Variants in THRB observed in about 807,000 individuals in gnomAD.
THRB encodes the protein nuclear receptor subfamily 1 group A member 2.
In THRB, 12 loss-of-function variants were observed where a neutral mutation model predicts 47.8. The observed-to-expected ratio is 0.25, with a 90% CI of 0.16 to 0.41. The LOEUF (loss-of-function observed/expected upper bound fraction) is 0.41. Ranked by LOEUF, THRB falls within the 10% of genes least tolerant of loss-of-function variation. THRB has a pLI of 1.00. For synonymous variants in THRB, 218 were observed against 212.2 expected, an observed-to-expected ratio of 1.03 and a Z score of -0.24; for missense variants, 348 against 589.2, an observed-to-expected ratio of 0.59 and a Z score of 4.24.
intron 1 of THRB, among the ~76,000 whole-genome samples, chr3:24,480,199 TG>T (rs1265676037): frequency 6.6e-6 from 1 of 152,232 alleles, no homozygotes; most frequent in Non-Finnish European, 1.5e-5. Flanking sequence ...AGTTTGCTTC[TG>T]GGGAGCCCAA....
intron 2 of THRB, among the ~76,000 whole-genome samples, chr3:24,333,374 C>T (rs892707541): frequency 3.7e-4 from 57 of 152,268 alleles, no homozygotes; most frequent in African/African-American, 1.3e-3. Context: ...AGAACTTTGG[C>T]GCTAGCAGGA....
intron 10 of THRB, among the ~76,000 whole-genome samples, chr3:24,126,900 G>C (rs1439225596): frequency 6.6e-6 from 1 of 152,086 alleles, no homozygotes; most frequent in Non-Finnish European, 1.5e-5. Context: ...CGTGTGCTTG[G>C]GACTCTTTCT....
chr3:24,198,295 A>C (rs79296334), intron 4 of THRB, among the ~76,000 whole-genome samples: 1 of 152,336 alleles, frequency 6.6e-6, no homozygotes, highest in East Asian at 1.9e-4. Context: ...CTATTACTAC[A>C]TTCAAGAATT....
intron 1 of THRB, among the ~76,000 whole-genome samples, chr3:24,468,898 TCA>T (rs534342965): frequency 6.6e-4 from 100 of 152,334 alleles, no homozygotes; most frequent in African/African-American, 2.4e-3. Context: ...CCACAAACTT[TCA>T]GTTTGTAAAA....
At chr3:24,385,187 C>T (rs1445108475) in intron 1 of THRB, among the ~76,000 whole-genome samples, 3 of 151,918 alleles carry the variant, frequency 2.0e-5, no homozygotes, top group Non-Finnish European at 4.4e-5. Flanking sequence ...AAAGATGGGG[C>T]CCCATTAATA....
chr3:24,127,256 T>A (rs977235590), intron 10 of THRB, among the ~76,000 whole-genome samples: 1 of 152,172 alleles, frequency 6.6e-6, no homozygotes, highest in Admixed American at 6.5e-5. Context: ...GGCGGATCAC[T>A]TCGTAGAGTC....
At chr3:24,364,230 T>C (rs1340886611) in intron 1 of THRB, among the ~76,000 whole-genome samples, 3 of 152,244 alleles carry the variant, frequency 2.0e-5, no homozygotes, top group South Asian at 2.1e-4. Context: ...CAGAGGAGCA[T>C]GAGCAAAATG....
chr3:24,327,960 C>G (rs1264414778), intron 2 of THRB, among the ~76,000 whole-genome samples: 1 of 152,012 alleles, frequency 6.6e-6, no homozygotes, highest in Non-Finnish European at 1.5e-5. Flanking sequence ...TCTTAAAAAT[C>G]ATTAAAAAAA....
chr3:24,230,889 G>T (rs979550188), intron 3 of THRB, among the ~76,000 whole-genome samples: 1 of 152,180 alleles, frequency 6.6e-6, no homozygotes, highest in Non-Finnish European at 1.5e-5. Flanking sequence ...TCTAGGGACA[G>T]AATTTATTAG....
chr3:24,246,689 A>G (rs1306250850), intron 3 of THRB, among the ~76,000 whole-genome samples: 2 of 152,188 alleles, frequency 1.3e-5, no homozygotes, highest in African/African-American at 4.8e-5. Context: ...ATTTAGAAGA[A>G]TATTTTCACA....
chr3:24,148,927 TG>T (rs1243439755), intron 6 of THRB, among the ~76,000 whole-genome samples: 2 of 152,268 alleles, frequency 1.3e-5, no homozygotes, highest in Non-Finnish European at 2.9e-5. Flanking sequence ...ATTTGGGTTC[TG>T]TGTTCCTAAG....
intron 3 of THRB, among the ~76,000 whole-genome samples, chr3:24,296,105 C>T (rs574745519): frequency 6.6e-6 from 1 of 152,146 alleles, no homozygotes; most frequent in Non-Finnish European, 1.5e-5. Context: ...AACAACTCTC[C>T]AGTCTTTTTA....
rs532578305 is a variant in THRB, at chr3:24,400,371, A to AT, written c.-260-63001dup. Among the ~76,000 whole-genome samples the AT allele has an allele frequency of 1.1e-4, 17 of 152,056 alleles. No homozygotes were observed. In the South Asian group the frequency reaches 2.7e-3, roughly 24 times the overall value. On this transcript the variant is annotated intron_variant, in intron 1 of 10. Coordinates refer to ENST00000646209, the MANE Select transcript of THRB (RefSeq NM_001354712.2). ...TTTTAAATGTAAACATGAGACCTAG[A>AT]TTTTTTTTATGCAAAACAAAATGCA...
chr3:24,181,164 T>C (rs1427555687), intron 5 of THRB, among the ~76,000 whole-genome samples: 3 of 152,240 alleles, frequency 2.0e-5, no homozygotes, highest in Non-Finnish European at 4.4e-5. Flanking sequence ...GAACTGGTCT[T>C]ATGTTTTCAT....
At chr3:24,266,376 G>C (rs1415256885) in intron 3 of THRB, among the ~76,000 whole-genome samples, 6 of 152,172 alleles carry the variant, frequency 3.9e-5, no homozygotes, top group African/African-American at 1.4e-4. Flanking sequence ...AGACAATACT[G>C]AGGAAAGAAA....
intron 4 of THRB, among the ~76,000 whole-genome samples, chr3:24,212,152 A>T (rs1005430142): frequency 6.6e-6 from 1 of 151,694 alleles, no homozygotes; most frequent in Non-Finnish European, 1.5e-5. Context: ...TAATCCCAGC[A>T]CTTTGGGAGG....
chr3:24,179,126 C>G (rs1049005994), intron 5 of THRB, among the ~76,000 whole-genome samples: 1 of 152,190 alleles, frequency 6.6e-6, no homozygotes, highest in African/African-American at 2.4e-5. Context: ...CCAGCCCTAT[C>G]TAGAGGAATG....
At chr3:24,172,589 T>C (rs140014585) in intron 5 of THRB, among the ~76,000 whole-genome samples, 9 of 152,202 alleles carry the variant, frequency 5.9e-5, no homozygotes, top group Admixed American at 1.3e-4. Context: ...CCAAGCAGAA[T>C]ATGCTTTTAC....
rs977993511 is a variant in THRB at position 24,120,813 on chromosome 3, G to A, written c.*2071C>T. On this transcript the variant is annotated 3_prime_UTR_variant, in exon 11 of 11. Transcript: ENST00000646209. ...GCCAATGAATTTCGTGCTTATAATTGTAAATCTTTTCACTTCCTTTCTCTG... is the reference window on the plus strand; with the variant it reads ...GCCAATGAATTTCGTGCTTATAATTATAAATCTTTTCACTTCCTTTCTCTG... 1 of 152,192 alleles carries A rather than the reference G, an allele frequency of 6.6e-6. No individual in the cohort carries two copies. The highest frequency in any genetic ancestry group is 1.5e-5 in the Non-Finnish European group (1 of 68,028). 9.4% of individuals were successfully genotyped at this position (152,192 alleles called of 1,614,324 possible).
Sources: gnomAD v4.1 joint callset for allele counts (sites outside exome capture counted in the v4.1 genomes callset) on GRCh38, gnomAD v4.1.1 for gene constraint, MANE v1.5 for transcripts, NCBI Gene and HGNC (gene_info 2026-07-23, HGNC 2026-07-21) for gene names.